The following SYNDIG1 variants were observed in gnomAD, a reference collection of about 807,000 sequenced individuals.
SYNDIG1 encodes the protein synapse differentiation-inducing gene protein 1.
A neutral mutation model predicts 19.4 loss-of-function variants in SYNDIG1; 9 were observed. That is an observed-to-expected ratio of 0.46 (90% CI 0.28 to 0.81). The LOEUF (loss-of-function observed/expected upper bound fraction) is 0.81. Among genes scored for constraint, SYNDIG1 ranks in the 30% least tolerant of loss-of-function variants. The pLI is 0.12. For missense variants in SYNDIG1, 311 were observed against 343.3 expected, an observed-to-expected ratio of 0.91 and a Z score of 0.74; for synonymous variants, 141 against 145.9, an observed-to-expected ratio of 0.97 and a Z score of 0.24.
At chr20:24,581,325 TAAAG>T (rs2058318975) in intron 2 of SYNDIG1, among the ~76,000 whole-genome samples, 2 of 152,094 alleles carry the variant, frequency 1.3e-5, no homozygotes, top group African/African-American at 4.8e-5. Flanking sequence ...AAACTAAAAA[TAAAG>T]AAACTAAAAG....
At chr20:24,615,625 T>G (rs969689156) in intron 3 of SYNDIG1, among the ~76,000 whole-genome samples, 6 of 152,098 alleles carry the variant, frequency 3.9e-5, no homozygotes, top group African/African-American at 1.4e-4. Context: ...AGTGGCCTCT[T>G]CTCACAGGCA....
chr20:24,535,488 C>A (rs1159685061), intron 1 of SYNDIG1, among the ~76,000 whole-genome samples: 2 of 152,130 alleles, frequency 1.3e-5, no homozygotes, highest in Non-Finnish European at 2.9e-5. Flanking sequence ...TAGGTGTCAA[C>A]CTTAATCATA....
chr20:24,571,002 C>A (rs2058131719), intron 2 of SYNDIG1, among the ~76,000 whole-genome samples: 1 of 152,036 alleles, frequency 6.6e-6, no homozygotes, highest in African/African-American at 2.4e-5. Context: ...GGGTATTGTG[C>A]CAGTGGAAAT....
intron 1 of SYNDIG1, among the ~76,000 whole-genome samples, chr20:24,517,192 C>T (rs1236523425): frequency 6.6e-6 from 1 of 151,758 alleles, no homozygotes; most frequent in East Asian, 1.9e-4. Context: ...AGGAGATACA[C>T]CTAATGTAAA....
intron 3 of SYNDIG1, among the ~76,000 whole-genome samples, chr20:24,657,776 C>T (rs2059543151): frequency 6.6e-6 from 1 of 152,126 alleles, no homozygotes; most frequent in South Asian, 2.1e-4. Context: ...TCGAGTACAG[C>T]TCTCAGTACC....
At chr20:24,492,437 T>G (rs2056183178) in intron 1 of SYNDIG1, among the ~76,000 whole-genome samples, 1 of 152,164 alleles carries the variant, frequency 6.6e-6, no homozygotes, top group Admixed American at 6.5e-5. Flanking sequence ...GGGAAAGACT[T>G]TGGTAAACAT....
At chr20:24,590,978 G>C (rs2058500578) in intron 3 of SYNDIG1, among the ~76,000 whole-genome samples, 3 of 152,174 alleles carry the variant, frequency 2.0e-5, no homozygotes, top group African/African-American at 7.2e-5. Context: ...AGGCACAGCA[G>C]AGGGGCGCGG....
intron 3 of SYNDIG1, among the ~76,000 whole-genome samples, chr20:24,605,738 A>C (rs753645861): frequency 5.3e-5 from 8 of 152,048 alleles, no homozygotes; most frequent in Non-Finnish European, 7.4e-5. Context: ...GGTAATTAGC[A>C]TCTTGATTTT....
intron 1 of SYNDIG1, among the ~76,000 whole-genome samples, chr20:24,508,758 G>C (rs1190240449): frequency 6.6e-6 from 1 of 152,182 alleles, no homozygotes; most frequent in African/African-American, 2.4e-5. Context: ...TAGTTCTTCA[G>C]ACTGATAAAA....
At chr20:24,647,494 T>C (rs2059433281) in intron 3 of SYNDIG1, among the ~76,000 whole-genome samples, 1 of 151,982 alleles carries the variant, frequency 6.6e-6, no homozygotes, top group Non-Finnish European at 1.5e-5. Flanking sequence ...GGAAGGGGAA[T>C]GGTGGATATC....
intron 1 of SYNDIG1, among the ~76,000 whole-genome samples, chr20:24,479,192 G>T (rs150633486): frequency 3.3e-5 from 5 of 152,170 alleles, no homozygotes; most frequent in African/African-American, 1.2e-4. Context: ...AAATCAGAGG[G>T]TCTCTGTCTC....
chr20:24,491,209 G>A (rs575655034), intron 1 of SYNDIG1, among the ~76,000 whole-genome samples: 2 of 152,314 alleles, frequency 1.3e-5, no homozygotes, highest in Admixed American at 6.5e-5. Context: ...GGTCAGCCGC[G>A]ATCCATTTTG....
At chr20:24,511,176 T>C (rs1282720923) in intron 1 of SYNDIG1, among the ~76,000 whole-genome samples, 1 of 152,200 alleles carries the variant, frequency 6.6e-6, no homozygotes, top group African/African-American at 2.4e-5. Flanking sequence ...AGGCCATTTC[T>C]TGGTAAATTT....
intron 3 of SYNDIG1, among the ~76,000 whole-genome samples, chr20:24,605,439 C>G (rs1342521058): frequency 6.6e-6 from 1 of 152,282 alleles, no homozygotes; most frequent in African/African-American, 2.4e-5. Flanking sequence ...TCTCCCTCCC[C>G]CAGTCTGTAT....
chr20:24,514,209 G>C (rs958420877), intron 1 of SYNDIG1, among the ~76,000 whole-genome samples: 8 of 152,158 alleles, frequency 5.3e-5, no homozygotes, highest in African/African-American at 1.9e-4. Flanking sequence ...GGAAGAAACT[G>C]CATCAACTAA....
At chr20:24,511,599 C>G (rs2056744212) in intron 1 of SYNDIG1, among the ~76,000 whole-genome samples, 1 of 152,154 alleles carries the variant, frequency 6.6e-6, no homozygotes, top group Non-Finnish European at 1.5e-5. Flanking sequence ...AACACATGCC[C>G]TGTTGCCAGG....
intron 2 of SYNDIG1, among the ~76,000 whole-genome samples, chr20:24,578,326 C>A (rs544942107): frequency 7.2e-5 from 11 of 151,924 alleles, no homozygotes; most frequent in Non-Finnish European, 1.3e-4. Flanking sequence ...ACCTGTAATC[C>A]CAGCTACTCC....
At chr20:24,605,573 T>C (rs2058745953) in intron 3 of SYNDIG1, among the ~76,000 whole-genome samples, 1 of 152,220 alleles carries the variant, frequency 6.6e-6, no homozygotes, top group Non-Finnish European at 1.5e-5. Context: ...AAATCAGATT[T>C]CTTATGTATT....
At position 24,543,029 on chromosome 20, in the gene SYNDIG1, C is replaced by T. The variant is rs1478356605; in HGVS notation, c.-69C>T. 3 of 1,553,856 alleles carry T rather than the reference C, an allele frequency of 1.9e-6. No homozygotes were observed. Among genetic ancestry groups the T allele is most frequent in the African/African-American group, 2.7e-5 (2 of 73,312 alleles). On this transcript the variant is annotated 5_prime_UTR_variant, in exon 2 of 4. Coordinates refer to ENST00000376862, the MANE Select transcript of SYNDIG1 (RefSeq NM_024893.3). ...TTTTCTCCTCCTCCAGGAGAAATGG[C>T]TTCCCTGAGGCAAGTGTAACCTACA...
Sources: allele counts gnomAD v4.1 joint callset (sites outside exome capture counted in the v4.1 genomes callset), GRCh38; gene constraint gnomAD v4.1.1; transcripts MANE v1.5; gene names NCBI Gene and HGNC (gene_info 2026-07-23, HGNC 2026-07-21).